Variants in USP10 observed in about 807,000 individuals in gnomAD.
USP10 encodes the protein ubiquitin carboxyl-terminal hydrolase 10.
USP10 carries 22 observed loss-of-function variants against 84.5 expected under a neutral mutation model. The observed-to-expected ratio is 0.26, with a 90% CI of 0.19 to 0.37. The LOEUF (loss-of-function observed/expected upper bound fraction) is 0.37. Ranked by LOEUF, USP10 falls within the 10% of genes least tolerant of loss-of-function variation. The pLI is 1.00. For synonymous variants in USP10, 454 were observed against 387.6 expected (o/e 1.17, Z -2.01); for missense variants, 1,019 against 998.9 (o/e 1.02, Z -0.27).
rs1394002161 is a variant in USP10 at position 84,778,916 on chromosome 16, G to C, written c.2231G>C (p.Ser744Thr). ...LFAVVYHHGN[S>T]ATGGHYTTDV... The stretch of plus-strand genomic sequence containing the variant: ...CCAGTGGTCTACCATCACGGCAACA[G>C]TGCGACGGGCGGCCATTACACTACA... The change falls in exon 14 of 14, where the codon AGT becomes ACT. Residue 744 changes from serine to threonine, a missense_variant. This residue lies in a region of USP10 where 232 missense variants were observed against 290.1 expected (regional missense o/e 0.80). Transcript: ENST00000219473. 8 of 1,613,742 alleles carry C rather than the reference G, an allele frequency of 5.0e-6. No individual in the cohort carries two copies. Among genetic ancestry groups the C allele is most frequent in the South Asian group, 1.1e-5 (1 of 91,028 alleles).
At chr16:84,708,497 C>A (rs1356210484) in intron 1 of USP10, among the ~76,000 whole-genome samples, 1 of 152,202 alleles carries the variant, frequency 6.6e-6, no homozygotes, top group East Asian at 1.9e-4. Flanking sequence ...TCTTGTCCAT[C>A]CATTGCCTTT....
At chr16:84,758,024 A>G (rs1191835829) in intron 4 of USP10, among the ~76,000 whole-genome samples, 3 of 152,238 alleles carry the variant, frequency 2.0e-5, no homozygotes, top group African/African-American at 4.8e-5. Context: ...GGTTAATTCT[A>G]TAAAGATGGC....
chr16:84,766,548 A>G (rs1233975303), intron 10 of USP10, among the ~76,000 whole-genome samples: 2 of 152,250 alleles, frequency 1.3e-5, no homozygotes, highest in Non-Finnish European at 2.9e-5. Flanking sequence ...GAGAAAGATG[A>G]ATGGACAGCT....
intron 3 of USP10, among the ~76,000 whole-genome samples, chr16:84,742,184 G>A (rs1056628349): frequency 1.3e-5 from 2 of 152,146 alleles, no homozygotes; most frequent in Non-Finnish European, 2.9e-5. Flanking sequence ...CAAGGTGAAT[G>A]GTTGTCCTTC....
intron 2 of USP10, among the ~76,000 whole-genome samples, chr16:84,736,332 AAG>A (rs1175388529): frequency 6.6e-6 from 1 of 152,238 alleles, no homozygotes; most frequent in Admixed American, 6.5e-5. Flanking sequence ...GTTAAGATGA[AAG>A]AGCATTCTGC....
chr16:84,743,693 C>G (rs993186155), intron 3 of USP10, among the ~76,000 whole-genome samples: 1 of 152,106 alleles, frequency 6.6e-6, no homozygotes, highest in African/African-American at 2.4e-5. Flanking sequence ...TGCTTGATTT[C>G]TGTTGAAAGA....
chr16:84,736,077 G>C (rs1417534616), intron 2 of USP10, among the ~76,000 whole-genome samples: 1 of 151,500 alleles, frequency 6.6e-6, no homozygotes, highest in African/African-American at 2.4e-5. Flanking sequence ...GTGTCACTTG[G>C]ACCTGTGGGT....
intron 5 of USP10, 48 bp downstream of exon 5, chr16:84,758,855 C>A: frequency 7.1e-7 from 1 of 1,402,830 alleles, no homozygotes; most frequent in Non-Finnish European, 1.0e-6. Flanking sequence ...TGCAGCTGTC[C>A]CTCCTTTGGG....
At position 84,775,039 on chromosome 16, in the gene USP10, G is replaced by A. The variant is rs1175292102; in HGVS notation, c.2144-121G>A. On this transcript the variant is annotated intron_variant, in intron 12 of 13. Transcript: ENST00000219473. ...TGTGCAACTGAAGGGATAGAGTGTT[G>A]TTTTGTTCCTGGTCTGACAGGCAGT... The A allele has an allele frequency of 3.6e-6, 3 of 838,188 alleles. No homozygotes were observed. In the Admixed American group the frequency reaches 5.7e-5, roughly 16 times the overall value. The allele number at this position is 838,188 out of a possible 1,614,324, so 51.9% of individuals were successfully genotyped here. A position where few individuals can be genotyped will look rare whatever the true frequency, so the allele number is the denominator to read the frequency against.
intron 4 of USP10, among the ~76,000 whole-genome samples, chr16:84,747,553 G>GTTT (rs1491125050): frequency 1.1e-5 from 1 of 88,386 alleles, no homozygotes; most frequent in Non-Finnish European, 2.3e-5. Context: ...AAAGCCAGGT[G>GTTT]ATTTTTTTTT....
intron 1 of USP10, among the ~76,000 whole-genome samples, chr16:84,708,434 G>A (rs1905838173): frequency 6.6e-6 from 1 of 152,200 alleles, no homozygotes; most frequent in Admixed American, 6.5e-5. Context: ...CTGGACGAAA[G>A]AGTGAAACTC....
intron 4 of USP10, among the ~76,000 whole-genome samples, chr16:84,750,619 C>T (rs1242675026): frequency 6.6e-6 from 1 of 152,130 alleles, no homozygotes; most frequent in Non-Finnish European, 1.5e-5. Flanking sequence ...TGGGTCTTTA[C>T]TAAGGAACAT....
Position 84,700,043 on chromosome 16 carries a change from C to A in USP10, c.-48C>A. Reference sequence around the variant, plus strand: ...GAGAAGATGGCGGCGGCGGGGGAAGCAGCGTGAGCAGCCGGAGGATCGCGG... The same window carrying A: ...GAGAAGATGGCGGCGGCGGGGGAAGAAGCGTGAGCAGCCGGAGGATCGCGG... On this transcript the variant is annotated 5_prime_UTR_variant, in exon 1 of 14. Coordinates refer to ENST00000219473, the MANE Select transcript of USP10 (RefSeq NM_005153.3). 1 of 1,352,170 alleles carries A rather than the reference C, an allele frequency of 7.4e-7. No individual in the cohort carries two copies. The highest frequency in any genetic ancestry group is 1.5e-5 in the African/African-American group (1 of 64,524). The allele number at this position is 1,352,170 out of a possible 1,614,324, so 83.8% of individuals were successfully genotyped here.
At chr16:84,762,893 A>AGAG (rs1211628432) in intron 8 of USP10, 96 bp from the exon 9 acceptor site, 1 of 643,978 alleles carries the variant, frequency 1.6e-6, no homozygotes, top group Non-Finnish European at 2.7e-6. Flanking sequence ...CTTCCATTTC[A>AGAG]GAGGAGGCAT....
intron 4 of USP10, among the ~76,000 whole-genome samples, chr16:84,756,953 A>G (rs2012708): frequency 0.59 from 89,033 of 152,074 alleles, 26,836 homozygotes; most frequent in Non-Finnish European, 0.63. Flanking sequence ...CCCCTTATAT[A>G]TTGAGGAAAG....
At chr16:84,700,206 G>A (rs909503371) in intron 1 of USP10, 95 bp downstream of exon 1, 3 of 1,007,674 alleles carry the variant, frequency 3.0e-6, no homozygotes, top group African/African-American at 3.5e-5. Flanking sequence ...CCCGGAGCGA[G>A]CGTGTGGGAG....
intron 10 of USP10, among the ~76,000 whole-genome samples, chr16:84,766,617 G>A (rs1451390982): frequency 6.6e-6 from 1 of 152,160 alleles, no homozygotes; most frequent in Non-Finnish European, 1.5e-5. Flanking sequence ...GAATTTCAAG[G>A]CCACAGAGGG....
chr16:84,762,902 A>C (rs1273484063), intron 8 of USP10, 87 bp from the exon 9 acceptor site: 1 of 686,312 alleles, frequency 1.5e-6, no homozygotes, highest in African/African-American at 1.8e-5. Context: ...CAGAGGAGGC[A>C]TGGTTGGACT....
intron 1 of USP10, among the ~76,000 whole-genome samples, chr16:84,727,495 CTT>C (rs938371664): frequency 1.3e-5 from 2 of 151,826 alleles, no homozygotes; most frequent in African/African-American, 4.9e-5. Context: ...AACAAAAACT[CTT>C]TATTTGCAAA....
Sources: allele counts gnomAD v4.1 joint callset (sites outside exome capture counted in the v4.1 genomes callset), GRCh38; gene constraint gnomAD v4.1.1; regional missense constraint gnomAD v4.1.1; transcripts MANE v1.5; gene names NCBI Gene and HGNC (gene_info 2026-07-23, HGNC 2026-07-21).